ZNF804B: variants seen among roughly 807,000 people sequenced by gnomAD.
ZNF804B encodes zinc finger protein 804B.
In ZNF804B, 80 loss-of-function variants were observed where a neutral mutation model predicts 101.4. That is an observed-to-expected ratio of 0.79 (90% CI 0.66 to 0.95). The LOEUF is 0.95. ZNF804B is among the 40% of genes least tolerant of loss of function. ZNF804B has a pLI of 0.00. For missense variants in ZNF804B, 1,673 were observed against 1,561.9 expected (o/e 1.07, Z -1.20); for synonymous variants, 622 against 558.8 (o/e 1.11, Z -1.59).
intron 1 of ZNF804B, among the ~76,000 whole-genome samples, chr7:89,132,852 CT>C (rs1207903327): frequency 6.6e-6 from 1 of 152,002 alleles, no homozygotes; most frequent in Non-Finnish European, 1.5e-5. Context: ...CATTTTCTTC[CT>C]TATTCCCAAC....
intron 1 of ZNF804B, among the ~76,000 whole-genome samples, chr7:89,076,682 A>C (rs1789619161): frequency 6.6e-6 from 1 of 152,220 alleles, no homozygotes; most frequent in African/African-American, 2.4e-5. Context: ...AAAGATTCTT[A>C]AGAGAAATTT....
rs72225764 is a variant in ZNF804B, at chr7:88,782,102, C to CGTGTGT, written c.108+22047_108+22052dup. 8.1e-4 allele frequency among the ~76,000 whole-genome samples: 115 copies of CGTGTGT among 142,086 alleles called. 2 individuals are homozygous for CGTGTGT. Among genetic ancestry groups the CGTGTGT allele is most frequent in the South Asian group, 3.1e-3 (14 of 4,484 alleles). 93.2% of individuals were successfully genotyped at this position (142,086 alleles called of 152,430 possible). A position where few individuals can be genotyped will look rare whatever the true frequency, so the allele number is the denominator to read the frequency against. On this transcript the variant is annotated intron_variant, in intron 1 of 3. Transcript: ENST00000333190. ...GACTATCCCAGCTTTTGTGTGAGTG[C>CGTGTGT]GTGTGTGTGTGTGTGTGTGTGTGTG...
At chr7:88,775,216 G>A (rs1259931596) in intron 1 of ZNF804B, among the ~76,000 whole-genome samples, 1 of 152,210 alleles carries the variant, frequency 6.6e-6, no homozygotes, top group East Asian at 1.9e-4. Flanking sequence ...AATTGGGTAA[G>A]ACTTCCCAGA....
chr7:88,798,961 CCAAGTT>C (rs572451725), intron 1 of ZNF804B, among the ~76,000 whole-genome samples: 13 of 152,138 alleles, frequency 8.5e-5, no homozygotes, highest in Admixed American at 5.9e-4. Context: ...GAATAGCTAT[CCAAGTT>C]CAAGTTCAAA....
At chr7:88,861,307 A>G (rs1271576266) in intron 1 of ZNF804B, among the ~76,000 whole-genome samples, 1 of 152,154 alleles carries the variant, frequency 6.6e-6, no homozygotes, top group East Asian at 1.9e-4. Flanking sequence ...TAACATTTCC[A>G]TGGAATTAAA....
At chr7:89,225,859 T>C (rs2115724718) in intron 2 of ZNF804B, among the ~76,000 whole-genome samples, 1 of 152,276 alleles carries the variant, frequency 6.6e-6, no homozygotes. Context: ...ACTAGATTTG[T>C]GATTTAGAAA....
chr7:88,965,716 C>T (rs1487437784), intron 1 of ZNF804B, among the ~76,000 whole-genome samples: 1 of 151,412 alleles, frequency 6.6e-6, no homozygotes, highest in Admixed American at 6.6e-5. Flanking sequence ...TGAATCACTG[C>T]CGTATCTTTT....
At position 89,031,085 on chromosome 7, in the gene ZNF804B, C is replaced by T. The variant is rs537077841; in HGVS notation, c.109-187070C>T. 4.8e-4 allele frequency among the ~76,000 whole-genome samples: 73 copies of T among 151,888 alleles called. No individual in the cohort carries two copies. The South Asian group carries it at 0.014, about 29-fold the overall frequency. The stretch of plus-strand genomic sequence containing the variant: ...ACCTAATGTAAATGATGAGTTGATG[C>T]GTGCAGCAAACCAACATGGCACATG... On this transcript the variant is annotated intron_variant, in intron 1 of 3. Coordinates refer to ENST00000333190, the MANE Select transcript of ZNF804B (RefSeq NM_181646.5).
At chr7:89,303,820 A>C (rs1790520068) in intron 2 of ZNF804B, among the ~76,000 whole-genome samples, 1 of 151,892 alleles carries the variant, frequency 6.6e-6, no homozygotes, top group Non-Finnish European at 1.5e-5. Context: ...TCTGTGACAA[A>C]AATTATATTT....
chr7:89,030,004 C>T (rs1348862960), intron 1 of ZNF804B, among the ~76,000 whole-genome samples: 1 of 152,154 alleles, frequency 6.6e-6, no homozygotes, highest in African/African-American at 2.4e-5. Flanking sequence ...GTTGTGGTTA[C>T]GTTACCAGCT....
At position 89,076,712 on chromosome 7, in the gene ZNF804B, G is replaced by T. The variant is rs1243924562; in HGVS notation, c.109-141443G>T. 2.0e-5 allele frequency among the ~76,000 whole-genome samples: 3 copies of T among 152,052 alleles called. No individual in the cohort carries two copies. In the East Asian group the frequency reaches 5.8e-4, roughly 29 times the overall value. Reference sequence around the variant, plus strand: ...AAATTTTTGTATAAATTAAAATATTGTAGCTAGTAGAGTGATGTTATACCA... The same window carrying T: ...AAATTTTTGTATAAATTAAAATATTTTAGCTAGTAGAGTGATGTTATACCA... On this transcript the variant is annotated intron_variant, in intron 1 of 3. Coordinates refer to ENST00000333190, the MANE Select transcript of ZNF804B (RefSeq NM_181646.5).
intron 1 of ZNF804B, among the ~76,000 whole-genome samples, chr7:89,096,768 G>A (rs2116332757): frequency 6.6e-6 from 1 of 152,162 alleles, no homozygotes; most frequent in African/African-American, 2.4e-5. Flanking sequence ...TTCATTATGT[G>A]TTGTTTTTTC....
At chr7:89,047,789 G>A (rs1249481776) in intron 1 of ZNF804B, among the ~76,000 whole-genome samples, 1 of 152,044 alleles carries the variant, frequency 6.6e-6, no homozygotes, top group African/African-American at 2.4e-5. Flanking sequence ...TCACTGCACT[G>A]TGCATTCTCT....
intron 1 of ZNF804B, among the ~76,000 whole-genome samples, chr7:88,876,752 A>G (rs950559351): frequency 9.9e-5 from 15 of 151,840 alleles, no homozygotes; most frequent in African/African-American, 3.1e-4. Context: ...ATTAAAAGCA[A>G]TAACTAGCTC....
chr7:88,907,218 G>A (rs1792486530), intron 1 of ZNF804B, among the ~76,000 whole-genome samples: 1 of 152,038 alleles, frequency 6.6e-6, no homozygotes, highest in Non-Finnish European at 1.5e-5. Flanking sequence ...AGAGAAGCCT[G>A]TGGGTGTTGT....
chr7:88,763,272 A>G (rs1789925621), intron 1 of ZNF804B, among the ~76,000 whole-genome samples: 2 of 152,162 alleles, frequency 1.3e-5, no homozygotes, highest in African/African-American at 4.8e-5. Context: ...AACATGTTGA[A>G]TCATTATATG....
intron 1 of ZNF804B, among the ~76,000 whole-genome samples, chr7:89,179,717 G>C (rs530739491): frequency 6.6e-6 from 1 of 152,198 alleles, no homozygotes; most frequent in African/African-American, 2.4e-5. Context: ...TCAATGTGTG[G>C]GCATTGACGA....
chr7:89,008,934 A>G (rs1788411690), intron 1 of ZNF804B, among the ~76,000 whole-genome samples: 1 of 151,976 alleles, frequency 6.6e-6, no homozygotes, highest in South Asian at 2.1e-4. Context: ...GGTTTCTCTC[A>G]TGCTCGACAT....
intron 1 of ZNF804B, among the ~76,000 whole-genome samples, chr7:89,212,544 G>T (rs1297611252): frequency 6.6e-6 from 1 of 152,096 alleles, no homozygotes; most frequent in Non-Finnish European, 1.5e-5. Context: ...AAACAAAGAA[G>T]TACGCAGTGA....
Sources: allele counts gnomAD v4.1 joint callset (sites outside exome capture counted in the v4.1 genomes callset), GRCh38; gene constraint gnomAD v4.1.1; transcripts MANE v1.5; gene names NCBI Gene and HGNC (gene_info 2026-07-23, HGNC 2026-07-21).